Variants in HECTD4 observed in about 807,000 individuals in gnomAD.
The protein encoded by HECTD4 is HECT domain E3 ubiquitin protein ligase 4.
A neutral mutation model predicts 471.5 loss-of-function variants in HECTD4; 114 were observed. That is an observed-to-expected ratio of 0.24 (90% CI 0.21 to 0.28). The LOEUF (loss-of-function observed/expected upper bound fraction) is 0.28, where lower values mean the gene tolerates loss of function less well. HECTD4 is among the 10% of genes least tolerant of loss of function. The probability of loss-of-function intolerance (pLI) is 1.00; values close to 1 mark genes in which losing one functional copy is unlikely to be tolerated. For missense variants in HECTD4, 3,866 were observed against 5,651.5 expected, an observed-to-expected ratio of 0.68 and a Z score of 10.13; for synonymous variants, 2,012 against 2,256.0, an observed-to-expected ratio of 0.89 and a Z score of 3.07.
intron 1 of HECTD4, among the ~76,000 whole-genome samples, chr12:112,344,721 C>T (rs1026895703): frequency 6.6e-6 from 1 of 152,042 alleles, no homozygotes; most frequent in Non-Finnish European, 1.5e-5. Context: ...GAGTTCAAGA[C>T]CAGCCTGACC....
In HECTD4 at chr12:112,235,190, C is replaced by G. The variant is rs1402681673; in HGVS notation, c.5802G>C (p.Leu1934Phe). 1 of 1,613,994 alleles carries G rather than the reference C, an allele frequency of 6.2e-7. No individual in the cohort carries two copies. The highest frequency in any genetic ancestry group is 1.3e-5 in the African/African-American group (1 of 75,044). The change falls in exon 37 of 76, where the codon TTG becomes TTC. Residue 1934 changes from leucine (L) to phenylalanine (F), a missense_variant. Leu to Phe is a conservative substitution (Grantham distance 22). Transcript: ENST00000682272. The surrounding 1 kb of genome is among the most constrained non-coding windows in gnomAD (Gnocchi z 5.0). ...CTTCTCCAGGATCTTTATCTCCTTT[C>G]AAGGAATTCTTGGGACTGGTTTTTG... ...TLTKTSPKNS[L>F]KGDKDPGEES...
Position 112,244,780 on chromosome 12 carries a change from C to G in HECTD4, c.4514-771G>C, listed in dbSNP as rs1313353544. The stretch of plus-strand genomic sequence containing the variant: ...GATTTATTGTCATTTAATGATACCT[C>G]TGCTTTGATCATAGTTGGTAGGAAT... On this transcript the variant is annotated intron_variant, in intron 29 of 75. Coordinates refer to ENST00000682272, the MANE Select transcript of HECTD4 (RefSeq NM_001388303.1). Among the ~76,000 whole-genome samples, 4 of 152,152 alleles carry G rather than the reference C, an allele frequency of 2.6e-5. No individual in the cohort carries two copies. In the East Asian group the frequency reaches 7.7e-4, roughly 29 times the overall value.
Position 112,194,899 on chromosome 12 carries a change from G to A in HECTD4, c.8735C>T (p.Ala2912Val). The change falls in exon 56 of 76, where the codon GCA (alanine) becomes GTA (valine). Residue 2912 changes from alanine (A) to valine (V), a missense_variant. By Grantham distance (64) the Ala-to-Val change is moderately conservative. Coordinates refer to ENST00000682272, the MANE Select transcript of HECTD4 (RefSeq NM_001388303.1). This position sits in a 1 kb window ranked among gnomAD's most constrained non-coding sequence, Gnocchi z 4.6. ...CCAAGTTTTACCTGGGAGAGGAGGT[G>A]CGAGGAGCTGATTGGACAGCAGTTG... ...HLQLLSNQLL[A>V]PPLPDGTISS... 6.2e-7 allele frequency: 1 copy of A among 1,606,676 alleles called. No individual in the cohort carries two copies. Among genetic ancestry groups the A allele is most frequent in the Non-Finnish European group, 8.5e-7 (1 of 1,176,724 alleles).
Position 112,273,770 on chromosome 12 carries a change from G to A in HECTD4, c.1827C>T (p.Asn609=). Residue 609 remains asparagine (N), a synonymous_variant, in exon 11 of 76, where the codon AAC becomes AAT. Transcript: ENST00000682272. ...GLGACYDTVN[N]MLWTCSNDYI... is the part of the protein sequence containing the mutation. ...AGTCATTTGAGCATGTCCATAGCATGTTGTTCACTGTGTCATAACACGCTC... is the reference window on the plus strand; with the variant it reads ...AGTCATTTGAGCATGTCCATAGCATATTGTTCACTGTGTCATAACACGCTC... 6.2e-7 allele frequency: 1 copy of A among 1,613,918 alleles called. No individual in the cohort carries two copies. The highest frequency in any genetic ancestry group is 8.5e-7 in the Non-Finnish European group (1 of 1,179,852).
chr12:112,232,149 G>A (rs999903353), intron 38 of HECTD4, among the ~76,000 whole-genome samples: 1 of 151,942 alleles, frequency 6.6e-6, no homozygotes, highest in South Asian at 2.1e-4. Flanking sequence ...TGTTTTGTTC[G>A]AGATTGAGTC....
rs760947859 is a variant in HECTD4, at chr12:112,304,238, A to ATTTTT, written c.1335+1821_1335+1825dup. 0.025 allele frequency among the ~76,000 whole-genome samples: 2,571 copies of ATTTTT among 104,320 alleles called. 389 individuals are homozygous for ATTTTT. The East Asian group carries it at 0.49, about 20-fold the overall frequency. 68.4% of individuals were successfully genotyped at this position (104,320 alleles called of 152,430 possible). ...CCATTATTCTTAGGCTAAAGACCTA[A>ATTTTT]TTTTTTTTTTTTTTTTTTTTTTTTG... On this transcript the variant is annotated intron_variant, in intron 7 of 75. Transcript: ENST00000682272.
At chr12:112,208,747 T>C in intron 50 of HECTD4, 117 bp from the exon 51 acceptor site, 2 of 765,674 alleles carry the variant, frequency 2.6e-6, no homozygotes, top group African/African-American at 1.8e-5. Context: ...AGACTCCTAG[T>C]ACACTGAGGA....
chr12:112,374,194 GCACA>G (rs2036736351), intron 1 of HECTD4, among the ~76,000 whole-genome samples: 1 of 151,826 alleles, frequency 6.6e-6, no homozygotes, highest in South Asian at 2.1e-4. Flanking sequence ...AAAATTAGTA[GCACA>G]CCGGTAGTCC....
At chr12:112,355,254 T>A (rs1594069798) in intron 1 of HECTD4, among the ~76,000 whole-genome samples, 1 of 134,018 alleles carries the variant, frequency 7.5e-6, no homozygotes, top group Non-Finnish European at 1.5e-5. Flanking sequence ...GGATAACAGG[T>A]GTGAGCCACC....
At chr12:112,357,960 T>C (rs1224269440) in intron 1 of HECTD4, among the ~76,000 whole-genome samples, 2 of 152,216 alleles carry the variant, frequency 1.3e-5, no homozygotes, top group Admixed American at 6.5e-5. Context: ...CCCAGCACTT[T>C]GGGAAGCCGA....
At chr12:112,299,289 C>T (rs1030115626) in intron 7 of HECTD4, among the ~76,000 whole-genome samples, 1 of 152,170 alleles carries the variant, frequency 6.6e-6, no homozygotes, top group African/African-American at 2.4e-5. Flanking sequence ...AAAATACGGA[C>T]ATTTTCTTAT....
intron 1 of HECTD4, among the ~76,000 whole-genome samples, chr12:112,346,417 A>T (rs906863926): frequency 6.6e-6 from 1 of 152,102 alleles, no homozygotes; most frequent in Admixed American, 6.6e-5. Flanking sequence ...TTTGGTACAT[A>T]CCAGCAATTC....
intron 38 of HECTD4, among the ~76,000 whole-genome samples, chr12:112,232,080 G>A (rs1166300778): frequency 1.3e-5 from 2 of 152,092 alleles, no homozygotes. Flanking sequence ...TTATATGACT[G>A]TAATAATTTC....
chr12:112,217,297 G>T, intron 45 of HECTD4, 102 bp from the exon 46 acceptor site: 11 of 698,546 alleles, frequency 1.6e-5, no homozygotes, highest in African/African-American at 1.9e-5. Flanking sequence ...TAAAATATAG[G>T]CATACACACA....
At chr12:112,347,772 G>A (rs1035612092) in intron 1 of HECTD4, among the ~76,000 whole-genome samples, 3 of 152,222 alleles carry the variant, frequency 2.0e-5, no homozygotes, top group African/African-American at 7.2e-5. Flanking sequence ...GGAGATGGGG[G>A]CCCCATGGCA....
rs1005325470 is a variant in HECTD4 at position 112,263,722 on chromosome 12, T to C, written c.2748+362A>G. On this transcript the variant is annotated intron_variant, in intron 17 of 75. Coordinates refer to ENST00000682272, the MANE Select transcript of HECTD4 (RefSeq NM_001388303.1). Reference sequence around the variant, plus strand: ...CCCAAGATTTTTATATATATATATATATACACACACACACACACACACACA... The same window carrying C: ...CCCAAGATTTTTATATATATATATACATACACACACACACACACACACACA... Among the ~76,000 whole-genome samples the C allele has an allele frequency of 7.4e-5, 11 of 148,098 alleles. No individual in the cohort carries two copies. In the South Asian group the frequency reaches 9.3e-4, roughly 13 times the overall value.
Position 112,229,760 on chromosome 12 carries a change from C to T in HECTD4, c.6457G>A (p.Val2153Ile), listed in dbSNP as rs374085173. 5.8e-5 allele frequency: 94 copies of T among 1,614,036 alleles called. No homozygotes were observed. The highest frequency in any genetic ancestry group is 5.3e-4 in the Admixed American group (32 of 60,028). The change falls in exon 41 of 76, where the codon GTT becomes ATT. Residue 2153 changes from valine (V) to isoleucine (I), a missense_variant. Transcript: ENST00000682272. The stretch of plus-strand genomic sequence containing the variant: ...CCTCCAAGTGCACACAGTGCGGCAA[C>T]GGCCTGGCGTGCAATTCTCTGAAGT... ...AKLQRIARQA[V>I]AALCALGGFK...
chr12:112,322,925 C>G (rs1349763169), intron 1 of HECTD4: 1 of 159,166 alleles, frequency 6.3e-6, no homozygotes, highest in African/African-American at 2.4e-5. Context: ...GGAGAACGAA[C>G]AGAAGCTTTT....
intron 51 of HECTD4, 122 bp downstream of exon 51, chr12:112,208,372 A>T: frequency 1.0e-6 from 1 of 980,804 alleles, no homozygotes; most frequent in Non-Finnish European, 1.4e-6. Context: ...CAATGATGTC[A>T]CTGAGAGTAA....
Sources: allele counts gnomAD v4.1 joint callset (sites outside exome capture counted in the v4.1 genomes callset), GRCh38; gene constraint gnomAD v4.1.1; non-coding constraint Gnocchi (gnomAD v3.1); transcripts MANE v1.5; gene names NCBI Gene and HGNC (gene_info 2026-07-23, HGNC 2026-07-21).